SMARCE1: variants seen among roughly 807,000 people sequenced by gnomAD.
SMARCE1 encodes SWI/SNF related BAF chromatin remodeling complex subunit E1.
In SMARCE1, 13 loss-of-function variants were observed where a neutral mutation model predicts 54.9. The observed-to-expected ratio is 0.24, with a 90% confidence interval of 0.15 to 0.38. The LOEUF (loss-of-function observed/expected upper bound fraction) is 0.38. Among genes scored for constraint, SMARCE1 ranks in the 10% least tolerant of loss-of-function variants. The pLI, the probability that SMARCE1 is intolerant of heterozygous loss-of-function variation, is 1.00. For synonymous variants in SMARCE1, 151 were observed against 175.3 expected (o/e 0.86, Z 1.10); for missense variants, 295 against 523.8 (o/e 0.56, Z 4.26).
At chr17:40,639,621 A>T (rs1292319547) in intron 4 of SMARCE1, among the ~76,000 whole-genome samples, 1 of 152,052 alleles carries the variant, frequency 6.6e-6, no homozygotes, top group East Asian at 1.9e-4. Flanking sequence ...CAGTCAACTT[A>T]CAACAACAAC....
intron 1 of SMARCE1, 77 bp downstream of exon 1, chr17:40,647,696 G>C (rs2037275118): frequency 6.5e-6 from 1 of 152,736 alleles, no homozygotes; most frequent in Non-Finnish European, 1.5e-5. Flanking sequence ...CAACCCCCGG[G>C]AACTCGGGGT....
chr17:40,645,758 A>G, intron 2 of SMARCE1, 38 bp downstream of exon 2: 1 of 1,091,766 alleles, frequency 9.2e-7, no homozygotes, highest in Non-Finnish European at 1.3e-6. Context: ...TTAGTCTCTT[A>G]TTAACATAGA....
Position 40,628,771 on chromosome 17 carries a change from A to G in SMARCE1, c.*14T>C. ...TTAAAAAAAGTATTTAGAACACACAAAACAAGGCAACACTTATTCTTTTTT... is the reference window on the plus strand; with the variant it reads ...TTAAAAAAAGTATTTAGAACACACAGAACAAGGCAACACTTATTCTTTTTT... On this transcript the variant is annotated 3_prime_UTR_variant, in exon 11 of 11. Coordinates refer to ENST00000348513, the MANE Select transcript of SMARCE1 (RefSeq NM_003079.5). The G allele has an allele frequency of 6.2e-7, 1 of 1,602,278 alleles. No individual in the cohort carries two copies.
Position 40,642,612 on chromosome 17 carries a change from G to T in SMARCE1, c.52-53C>A. The T allele has an allele frequency of 9.1e-7, 1 of 1,097,828 alleles. No individual in the cohort carries two copies. 68.0% of individuals were successfully genotyped at this position (1,097,828 alleles called of 1,614,324 possible). A position where few individuals can be genotyped will look rare whatever the true frequency, so the allele number is the denominator to read the frequency against. ...CGAATGAGAAATGAGCTCAAACGAGGAAAACACAGAAATGAAAAATGATCT... is the reference window on the plus strand; with the variant it reads ...CGAATGAGAAATGAGCTCAAACGAGTAAAACACAGAAATGAAAAATGATCT... On this transcript the variant is annotated intron_variant, in intron 3 of 10. Coordinates refer to ENST00000348513, the MANE Select transcript of SMARCE1 (RefSeq NM_003079.5). This position sits in a 1 kb window ranked among gnomAD's most constrained non-coding sequence, Gnocchi z 4.6.
At chr17:40,644,808 A>C (rs889435785) in intron 3 of SMARCE1, 11 of 152,262 alleles carry the variant, frequency 7.2e-5, no homozygotes, top group African/African-American at 2.6e-4. Flanking sequence ...TAAAGAACTA[A>C]TTTTGTAGAA....
At chr17:40,643,685 C>T (rs2037220941) in intron 3 of SMARCE1, 1 of 152,170 alleles carries the variant, frequency 6.6e-6, no homozygotes, top group African/African-American at 2.4e-5. Context: ...ATACACTTAA[C>T]ACATTCCAAC....
rs568461183 is a variant in SMARCE1 at position 40,626,029 on chromosome 17, C to A, written c.*2756G>T. The A allele has an allele frequency of 7.2e-5, 11 of 152,134 alleles. No individual in the cohort carries two copies. In the South Asian group the frequency reaches 1.9e-3, roughly 26 times the overall value. 9.4% of individuals were successfully genotyped at this position (152,134 alleles called of 1,614,324 possible). A position where few individuals can be genotyped will look rare whatever the true frequency, so the allele number is the denominator to read the frequency against. ...GGATCAGGAGGTCAAGAGTTCGAGA[C>A]CAGGCTGGCAAACATGGCAAAATCC... is the stretch of plus-strand genomic sequence containing the variant. On this transcript the variant is annotated 3_prime_UTR_variant, in exon 11 of 11. Coordinates refer to ENST00000348513, the MANE Select transcript of SMARCE1 (RefSeq NM_003079.5).
In SMARCE1 at chr17:40,626,532, G is replaced by A. The variant is rs1486307514; in HGVS notation, c.*2253C>T. ...AGTCTACATATATCACTCTGACCAA[G>A]TGGATTTTTACATCAATCTTCCCCT... On this transcript the variant is annotated 3_prime_UTR_variant, in exon 11 of 11. Transcript: ENST00000348513. 1.3e-5 allele frequency: 2 copies of A among 152,100 alleles called. No homozygotes were observed. The highest frequency in any genetic ancestry group is 2.9e-5 in the Non-Finnish European group (2 of 68,036). 9.4% of individuals were successfully genotyped at this position (152,100 alleles called of 1,614,324 possible). A position where few individuals can be genotyped will look rare whatever the true frequency, so the allele number is the denominator to read the frequency against.
At position 40,642,324 on chromosome 17, in the gene SMARCE1, A is replaced by C. The variant is rs2037207419; in HGVS notation, c.156+131T>G. The C allele has an allele frequency of 8.4e-6, 6 of 717,418 alleles. No homozygotes were observed. The highest frequency in any genetic ancestry group is 1.5e-5 in the Non-Finnish European group (6 of 389,986). 44.4% of individuals were successfully genotyped at this position (717,418 alleles called of 1,614,324 possible). A position where few individuals can be genotyped will look rare whatever the true frequency, so the allele number is the denominator to read the frequency against. On this transcript the variant is annotated intron_variant, in intron 4 of 10. Transcript: ENST00000348513. The surrounding 1 kb of genome is among the most constrained non-coding windows in gnomAD (Gnocchi z 4.6). ...GTGAGATGCTACAACGAATGTTGAA[A>C]ATACTCAAAAAGCTAGGTTAAAAAA...
intron 3 of SMARCE1, chr17:40,644,074 C>G (rs1236469157): frequency 6.6e-6 from 1 of 152,066 alleles, no homozygotes; most frequent in African/African-American, 2.4e-5. Flanking sequence ...TGTTTTAATC[C>G]CTAGTCTTCT....
rs2144009134 is a variant in SMARCE1 at position 40,642,500 on chromosome 17, G to A, written c.111C>T (p.Asn37=). The A allele has an allele frequency of 1.2e-6, 2 of 1,612,832 alleles. No individual in the cohort carries two copies. Among genetic ancestry groups the A allele is most frequent in the African/African-American group, 1.3e-5 (1 of 74,994 alleles). The change falls in exon 4 of 11, where the codon AAC becomes AAT. Residue 37 remains asparagine, a synonymous_variant. Transcript: ENST00000348513. The surrounding 1 kb of genome is among the most constrained non-coding windows in gnomAD (Gnocchi z 4.6). The part of the protein sequence containing the change: ...GYNPYSHLAY[N]NYRLGGNPGT... ...CCGGGTTCCCTCCCAGCCTGTAGTT[G>A]TTGTAGGCGAGATGACTGTATGGAT...
Position 40,630,706 on chromosome 17 carries a change from T to C in SMARCE1, c.1027+8A>G, listed in dbSNP as rs2037084632. On this transcript the variant is annotated splice_region_variant and intron_variant, in intron 10 of 10. Coordinates refer to ENST00000348513, the MANE Select transcript of SMARCE1 (RefSeq NM_003079.5). ...GCACTGCCTCTGCGTTTGTTGCTAG[T>C]GGGTTACCTGTCTCCATCGGAATGT... 7 of 1,612,164 alleles carry C rather than the reference T, an allele frequency of 4.3e-6. No homozygotes were observed. Among genetic ancestry groups the C allele is most frequent in the African/African-American group, 2.7e-5 (2 of 74,996 alleles).
At chr17:40,633,374 A>C (rs930627849) in intron 7 of SMARCE1, 5 of 151,992 alleles carry the variant, frequency 3.3e-5, no homozygotes, top group Non-Finnish European at 7.4e-5. Context: ...TATCACCTTC[A>C]TAGTTTTTCA....
chr17:40,637,281 G>T (rs1267734523), intron 5 of SMARCE1: 2 of 577,066 alleles, frequency 3.5e-6, no homozygotes, highest in South Asian at 3.9e-5. Context: ...CTATCTTAAG[G>T]ATTTTAACAG....
intron 10 of SMARCE1, chr17:40,630,413 G>T (rs2037081058): frequency 1.5e-6 from 1 of 646,806 alleles, no homozygotes; most frequent in African/African-American, 1.8e-5. Flanking sequence ...AAGTGTGGCT[G>T]TGTTCCAGTT....
At chr17:40,632,700 T>G in intron 7 of SMARCE1, 1 of 217,672 alleles carries the variant, frequency 4.6e-6, no homozygotes, top group Non-Finnish European at 9.0e-6. Context: ...TAATTGAAAT[T>G]CTGCCCAATG....
chr17:40,643,582 G>C (rs576068003), intron 3 of SMARCE1: 3 of 152,074 alleles, frequency 2.0e-5, no homozygotes, highest in Non-Finnish European at 2.9e-5. Context: ...ACCAAAATTA[G>C]GGTATTTTAC....
chr17:40,636,223 CCT>C (rs1254757079), intron 6 of SMARCE1, 121 bp from the exon 7 acceptor site: 17 of 1,194,110 alleles, frequency 1.4e-5, no homozygotes, highest in Middle Eastern at 2.0e-4. Flanking sequence ...ATAATTATCT[CCT>C]TTTTACAGGC....
At chr17:40,637,230 A>G (rs1353952963) in intron 5 of SMARCE1, 1 of 453,148 alleles carries the variant, frequency 2.2e-6, no homozygotes, top group African/African-American at 2.0e-5. Flanking sequence ...ACGTCATTAA[A>G]TATTCTCCAA....
Sources: gnomAD v4.1 joint callset for allele counts (sites outside exome capture counted in the v4.1 genomes callset) on GRCh38, gnomAD v4.1.1 for gene constraint, Gnocchi (gnomAD v3.1) non-coding constraint, MANE v1.5 for transcripts, NCBI Gene and HGNC (gene_info 2026-07-23, HGNC 2026-07-21) for gene names.